Variants in SMIM41 observed in about 807,000 individuals in gnomAD.
SMIM41 encodes the protein small integral membrane protein 41.
At chr12:52,086,780 C>T (rs1939900400) in intron 2 of SMIM41, among the ~76,000 whole-genome samples, 3 of 152,214 alleles carry the variant, frequency 2.0e-5, no homozygotes, top group Admixed American at 6.5e-5. Context: ...CCTCTGCTTC[C>T]TCCCGGACCC....
At chr12:52,080,336 G>T (rs1235622479) in intron 1 of SMIM41, among the ~76,000 whole-genome samples, 155 bp downstream of exon 1, 2 of 152,168 alleles carry the variant, frequency 1.3e-5, no homozygotes, top group Non-Finnish European at 2.9e-5. Flanking sequence ...TAAGTCCACG[G>T]CCGGTGGGGC....
At chr12:52,100,007 C>T (rs1298955465) in intron 2 of SMIM41, among the ~76,000 whole-genome samples, 1 of 151,976 alleles carries the variant, frequency 6.6e-6, no homozygotes, top group Non-Finnish European at 1.5e-5. Context: ...ATGACATCCT[C>T]CCCAAACCTG....
intron 1 of SMIM41, among the ~76,000 whole-genome samples, chr12:52,082,896 G>A (rs1472118973): frequency 6.6e-6 from 1 of 152,174 alleles, no homozygotes; most frequent in Admixed American, 6.5e-5. Context: ...AAGAGAGCCT[G>A]CTCTCCTGCT....
intron 2 of SMIM41, among the ~76,000 whole-genome samples, chr12:52,093,183 C>T (rs909454644): frequency 2.0e-5 from 3 of 152,074 alleles, no homozygotes; most frequent in Non-Finnish European, 4.4e-5. Context: ...AGCGACAGAG[C>T]GAGACCCTGT....
At chr12:52,082,021 T>G (rs1939826923) in intron 1 of SMIM41, 1 of 152,292 alleles carries the variant, frequency 6.6e-6, no homozygotes, top group African/African-American at 2.4e-5. Flanking sequence ...ACTGCCCCCT[T>G]CCCATCCTGC....
intron 2 of SMIM41, among the ~76,000 whole-genome samples, chr12:52,090,783 A>G (rs1044404441): frequency 6.6e-6 from 1 of 152,188 alleles, no homozygotes; most frequent in Non-Finnish European, 1.5e-5. Flanking sequence ...TTGGAAATCC[A>G]TAGGTGGTTG....
intron 2 of SMIM41, among the ~76,000 whole-genome samples, chr12:52,099,454 T>A (rs1403981601): frequency 6.6e-6 from 1 of 151,042 alleles, no homozygotes; most frequent in African/African-American, 2.4e-5. Context: ...AAACCCCCTG[T>A]GATATTAGGA....
intron 2 of SMIM41, among the ~76,000 whole-genome samples, chr12:52,087,340 A>T (rs960469161): frequency 6.6e-6 from 1 of 152,188 alleles, no homozygotes; most frequent in African/African-American, 2.4e-5. Context: ...GCCTCCGGTT[A>T]CTATCCTATG....
intron 2 of SMIM41, among the ~76,000 whole-genome samples, chr12:52,104,493 G>A (rs556918972): frequency 3.5e-4 from 53 of 152,244 alleles, no homozygotes; most frequent in African/African-American, 5.3e-4. Context: ...CTTGTTCTCC[G>A]TGGTCATGGC....
chr12:52,090,536 A>T (rs1198880325), intron 2 of SMIM41, among the ~76,000 whole-genome samples: 1 of 152,226 alleles, frequency 6.6e-6, no homozygotes, highest in Admixed American at 6.5e-5. Context: ...GGGGAGGCCC[A>T]GGGAGCTGCG....
chr12:52,080,659 G>A (rs1939805125), intron 1 of SMIM41, among the ~76,000 whole-genome samples: 1 of 152,200 alleles, frequency 6.6e-6, no homozygotes, highest in South Asian at 2.1e-4. Flanking sequence ...ACTCCACGGG[G>A]CTGAGGAGAC....
rs1355348497 is a variant in SMIM41 at position 52,081,710 on chromosome 12, C to A, written c.*120+1529C>A. On this transcript the variant is annotated intron_variant, in intron 1 of 2. Transcript: ENST00000546390. This position sits in a 1 kb window ranked among gnomAD's most constrained non-coding sequence, Gnocchi z 4.1. ...TTTCACCCAGCTGCCTTGCCTGTCACCCTCTGGCCCCATACTCTCCTCTCC... is the reference window on the plus strand; with the variant it reads ...TTTCACCCAGCTGCCTTGCCTGTCAACCTCTGGCCCCATACTCTCCTCTCC... Among the ~76,000 whole-genome samples the A allele has an allele frequency of 6.6e-6, 1 of 152,180 alleles. No individual in the cohort carries two copies. Among genetic ancestry groups the A allele is most frequent in the Non-Finnish European group, 1.5e-5 (1 of 68,010 alleles).
intron 2 of SMIM41, among the ~76,000 whole-genome samples, chr12:52,105,170 T>C (rs11170004): frequency 0.15 from 21,819 of 144,442 alleles, 1,856 homozygotes; most frequent in African/African-American, 0.28. Context: ...GTGCCCTTCC[T>C]TTTGGGGGTT....
At chr12:52,092,995 C>T (rs1347046386) in intron 2 of SMIM41, among the ~76,000 whole-genome samples, 1 of 152,046 alleles carries the variant, frequency 6.6e-6, no homozygotes, top group Non-Finnish European at 1.5e-5. Flanking sequence ...TCCTGGCTAA[C>T]ACGGTGAAAC....
At position 52,107,571 on chromosome 12, in the gene SMIM41, A is replaced by C; in HGVS notation, c.*388A>C. ...TTTCACCTCCACCACGGTCCCCCAGATGACTGTGGACATCCAGTCTCGCAG... is the reference window on the plus strand; with the variant it reads ...TTTCACCTCCACCACGGTCCCCCAGCTGACTGTGGACATCCAGTCTCGCAG... On this transcript the variant is annotated 3_prime_UTR_variant, in exon 3 of 3. Transcript: ENST00000546390. 1.3e-6 allele frequency: 1 copy of C among 761,228 alleles called. No homozygotes were observed. Among genetic ancestry groups the C allele is most frequent in the Non-Finnish European group, 2.3e-6 (1 of 440,812 alleles). 47.2% of individuals were successfully genotyped at this position (761,228 alleles called of 1,614,324 possible).
intron 2 of SMIM41, chr12:52,087,602 C>T (rs768011592): frequency 1.3e-5 from 2 of 152,506 alleles, no homozygotes; most frequent in East Asian, 1.9e-4. Flanking sequence ...CGAAGAAGCT[C>T]GGTGCCATCA....
chr12:52,089,652 C>T (rs1191309947), intron 2 of SMIM41, among the ~76,000 whole-genome samples: 2 of 151,900 alleles, frequency 1.3e-5, no homozygotes, highest in Admixed American at 6.6e-5. Context: ...CAGGAGAATC[C>T]GTCCTTGCCT....
intron 2 of SMIM41, among the ~76,000 whole-genome samples, chr12:52,091,601 T>C (rs1015627806): frequency 2.0e-4 from 31 of 152,208 alleles, no homozygotes; most frequent in Non-Finnish European, 4.1e-4. Flanking sequence ...ATTTCTGCTG[T>C]TTTGCACTGC....
chr12:52,085,862 A>G lies in SMIM41; in HGVS notation c.*195+1894A>G, dbSNP rs146563308. Among the ~76,000 whole-genome samples, 136 of 152,242 alleles carry G rather than the reference A, an allele frequency of 8.9e-4. No homozygotes were observed. In the Middle Eastern group the frequency reaches 0.017, roughly 19 times the overall value. On this transcript the variant is annotated intron_variant, in intron 2 of 2. Coordinates refer to ENST00000546390, the MANE Select transcript of SMIM41 (RefSeq NM_001369216.1). ...ATGCTGGGTGGCCATGAGATAACTC[A>G]TGTCCGCTGCTGATGGGGCCATGGG...
Sources: allele counts gnomAD v4.1 joint callset (sites outside exome capture counted in the v4.1 genomes callset), GRCh38; gene constraint gnomAD v4.1.1; non-coding constraint Gnocchi (gnomAD v3.1); transcripts MANE v1.5; gene names NCBI Gene and HGNC (gene_info 2026-07-23, HGNC 2026-07-21).